KLHL20: variants seen among roughly 807,000 people sequenced by gnomAD.
The protein encoded by KLHL20 is kelch like family member 20, also known as kelch-like protein 20.
In KLHL20, 29 loss-of-function variants were observed where a neutral mutation model predicts 69.5. The observed-to-expected ratio is 0.42, with a 90% CI of 0.31 to 0.57. KLHL20 has a LOEUF of 0.57. Among genes scored for constraint, KLHL20 ranks in the 20% least tolerant of loss-of-function variants. The pLI is 0.18. For missense variants in KLHL20, 419 were observed against 776.0 expected (o/e 0.54, Z 5.47); for synonymous variants, 253 against 265.2 (o/e 0.95, Z 0.45).
At chr1:173,761,553 G>T (rs1264061882) in intron 7 of KLHL20, among the ~76,000 whole-genome samples, 1 of 152,130 alleles carries the variant, frequency 6.6e-6, no homozygotes. Flanking sequence ...GACCACTGTG[G>T]AATAAAACTG....
Position 173,762,899 on chromosome 1 carries a change from T to G in KLHL20, c.1152-3247T>G, listed in dbSNP as rs185076330. On this transcript the variant is annotated intron_variant, in intron 7 of 11. Transcript: ENST00000209884. ...AGAGCAATCAGACAAGAGAAAGAAA[T>G]AAAGGGCATCCAAATCAGTAAAGAG... 2.9e-4 allele frequency among the ~76,000 whole-genome samples: 44 copies of G among 152,154 alleles called. No homozygotes were observed. In the Middle Eastern group the frequency reaches 0.01, roughly 35 times the overall value.
intron 8 of KLHL20, among the ~76,000 whole-genome samples, chr1:173,769,761 A>G (rs1647963229): frequency 6.7e-6 from 1 of 148,580 alleles, no homozygotes; most frequent in East Asian, 2.0e-4. Context: ...AGCCAGGGTA[A>G]TAGAGTGAGA....
At chr1:173,715,902 C>T (rs1047674956) in intron 1 of KLHL20, 101 bp from the exon 2 acceptor site, 2 of 823,940 alleles carry the variant, frequency 2.4e-6, no homozygotes, top group East Asian at 2.5e-5. Flanking sequence ...GGATATGAAA[C>T]TCTTGATAAC....
At chr1:173,785,065 A>T in intron 11 of KLHL20, 98 bp from the exon 12 acceptor site, 1 of 899,774 alleles carries the variant, frequency 1.1e-6, no homozygotes, top group Middle Eastern at 2.5e-4. Flanking sequence ...AATATAAAAC[A>T]TAGAAACGTG....
At chr1:173,718,580 C>T (rs774055131) in intron 2 of KLHL20, among the ~76,000 whole-genome samples, 4 of 150,754 alleles carry the variant, frequency 2.7e-5, no homozygotes, top group Non-Finnish European at 4.4e-5. Context: ...TGTTGTAGGG[C>T]ATAGTGGTTC....
chr1:173,774,535 A>G, intron 9 of KLHL20, 97 bp downstream of exon 9: 1 of 1,381,212 alleles, frequency 7.2e-7, no homozygotes, highest in Non-Finnish European at 1.0e-6. Flanking sequence ...GTTATCCTAT[A>G]ATTTACTAGG....
intron 3 of KLHL20, among the ~76,000 whole-genome samples, chr1:173,751,380 TG>T (rs1673305072): frequency 6.6e-6 from 1 of 152,194 alleles, no homozygotes; most frequent in Admixed American, 6.5e-5. Flanking sequence ...ACTGACCCCT[TG>T]GTTTTTCTGC....
At position 173,786,525 on chromosome 1, in the gene KLHL20, C is replaced by T. The variant is rs2102547679; in HGVS notation, c.*1278C>T. ...AAAGGAATAACCTCCTTCTCCCTTTCCCCAACTACAAAAATGTTTGGCAAC... is the reference window on the plus strand; with the variant it reads ...AAAGGAATAACCTCCTTCTCCCTTTTCCCAACTACAAAAATGTTTGGCAAC... On this transcript the variant is annotated 3_prime_UTR_variant, in exon 12 of 12. Transcript: ENST00000209884. 6.6e-6 allele frequency: 1 copy of T among 152,630 alleles called. No homozygotes were observed. Among genetic ancestry groups the T allele is most frequent in the South Asian group, 2.1e-4 (1 of 4,822 alleles). The allele number at this position is 152,630 out of a possible 1,614,324, so 9.5% of individuals were successfully genotyped here.
chr1:173,774,207 G>A lies in KLHL20; in HGVS notation c.1296-98G>A, dbSNP rs1648299334. On this transcript the variant is annotated intron_variant, in intron 8 of 11. Coordinates refer to ENST00000209884, the MANE Select transcript of KLHL20 (RefSeq NM_014458.4). ...TTCATTGCACATTTGACTATAGCAA[G>A]TCCGTGTACTCAGTATATCGTTAGT... 2.2e-6 allele frequency: 3 copies of A among 1,383,518 alleles called. No homozygotes were observed. In the African/African-American group the frequency reaches 4.3e-5, roughly 20 times the overall value. 85.7% of individuals were successfully genotyped at this position (1,383,518 alleles called of 1,614,324 possible).
rs562275958 is a variant in KLHL20 at position 173,747,512 on chromosome 1, C to T, written c.598-4252C>T. Among the ~76,000 whole-genome samples, 285 of 152,032 alleles carry T rather than the reference C, an allele frequency of 1.9e-3. 4 individuals are homozygous for T. Among genetic ancestry groups the T allele is most frequent in the South Asian group, 4.2e-3 (20 of 4,814 alleles). Reference sequence around the variant, plus strand: ...TTTGACTGTATATATTTGTTCTTCCCATTACTTTTAGCCTGTTCAAAATAT... The same window carrying T: ...TTTGACTGTATATATTTGTTCTTCCTATTACTTTTAGCCTGTTCAAAATAT... On this transcript the variant is annotated intron_variant, in intron 3 of 11. Transcript: ENST00000209884.
chr1:173,768,267 A>G (rs1057054824), intron 8 of KLHL20, among the ~76,000 whole-genome samples: 1 of 152,188 alleles, frequency 6.6e-6, no homozygotes, highest in African/African-American at 2.4e-5. Flanking sequence ...TAATTTTGGT[A>G]GAACAGATTT....
chr1:173,760,846 A>G (rs1558211109), intron 7 of KLHL20, among the ~76,000 whole-genome samples: 1 of 152,228 alleles, frequency 6.6e-6, no homozygotes, highest in Non-Finnish European at 1.5e-5. Flanking sequence ...CAAAGTACAT[A>G]GGCAAGAAAG....
rs1227062469 is a variant in KLHL20 at position 173,785,839 on chromosome 1, C to G, written c.*592C>G. On this transcript the variant is annotated 3_prime_UTR_variant, in exon 12 of 12. Coordinates refer to ENST00000209884, the MANE Select transcript of KLHL20 (RefSeq NM_014458.4). ...TACTAAATCAATAAAAACCAGGACT[C>G]AGACACTACAGTTTTCATCAGTGTA... 6.6e-6 allele frequency: 1 copy of G among 151,870 alleles called. No individual in the cohort carries two copies. Among genetic ancestry groups the G allele is most frequent in the Non-Finnish European group, 1.5e-5 (1 of 67,964 alleles). The allele number at this position is 151,870 out of a possible 1,614,324, so 9.4% of individuals were successfully genotyped here. A position where few individuals can be genotyped will look rare whatever the true frequency, so the allele number is the denominator to read the frequency against.
At chr1:173,775,288 G>A (rs1042832537) in intron 9 of KLHL20, among the ~76,000 whole-genome samples, 8 of 152,208 alleles carry the variant, frequency 5.3e-5, no homozygotes, top group African/African-American at 1.9e-4. Flanking sequence ...ATGATAAATT[G>A]TTAGTACTGA....
At chr1:173,756,630 T>C (rs1380860720) in intron 6 of KLHL20, among the ~76,000 whole-genome samples, 1 of 152,222 alleles carries the variant, frequency 6.6e-6, no homozygotes, top group African/African-American at 2.4e-5. Context: ...CATAATCACA[T>C]GGAATTGTGA....
chr1:173,778,420 C>G lies in KLHL20; in HGVS notation c.1638+2578C>G, dbSNP rs575142617. ...GTCGGCTCATTGCATCCTCCACCTC[C>G]CAGGCTCAAGCCTTCCTTCCACCTC... is the stretch of plus-strand genomic sequence containing the variant. On this transcript the variant is annotated intron_variant, in intron 10 of 11. Transcript: ENST00000209884. Among the ~76,000 whole-genome samples, 33 of 152,220 alleles carry G rather than the reference C, an allele frequency of 2.2e-4. No homozygotes were observed. In the South Asian group the frequency reaches 6.6e-3, roughly 31 times the overall value.
At chr1:173,774,958 A>G (rs12729090) in intron 9 of KLHL20, among the ~76,000 whole-genome samples, 2 of 151,952 alleles carry the variant, frequency 1.3e-5, no homozygotes, top group Non-Finnish European at 1.5e-5. Flanking sequence ...TTATACGTGT[A>G]TGCCACCACA....
chr1:173,729,492 G>A (rs1024900509), intron 2 of KLHL20, among the ~76,000 whole-genome samples: 27 of 152,182 alleles, frequency 1.8e-4, no homozygotes, highest in African/African-American at 4.8e-4. Flanking sequence ...CTGGCAAACC[G>A]AATCCAGCAG....
chr1:173,762,988 T>C (rs979008147), intron 7 of KLHL20, among the ~76,000 whole-genome samples: 7 of 152,178 alleles, frequency 4.6e-5, no homozygotes, highest in Non-Finnish European at 1.0e-4. Context: ...TAAGGACTCC[T>C]CTAGAAAGCT....
Sources: gnomAD v4.1 joint callset for allele counts (sites outside exome capture counted in the v4.1 genomes callset) on GRCh38, gnomAD v4.1.1 for gene constraint, MANE v1.5 for transcripts, NCBI Gene and HGNC (gene_info 2026-07-23, HGNC 2026-07-21) for gene names.